NCAPG2: variants seen among roughly 807,000 people sequenced by gnomAD.
The protein encoded by NCAPG2 is condensin-2 complex subunit G2.
A neutral mutation model predicts 141.1 loss-of-function variants in NCAPG2; 53 were observed. The observed-to-expected ratio is 0.38, with a 90% CI of 0.30 to 0.47. The LOEUF is 0.47. Among genes scored for constraint, NCAPG2 ranks in the 20% least tolerant of loss-of-function variants. The pLI, the probability that NCAPG2 is intolerant of heterozygous loss-of-function variation, is 0.99. For synonymous variants in NCAPG2, 499 were observed against 490.7 expected, an observed-to-expected ratio of 1.02 and a Z score of -0.22; for missense variants, 1,087 against 1,389.0, an observed-to-expected ratio of 0.78 and a Z score of 3.46.
chr7:158,690,551 A>G lies in NCAPG2; in HGVS notation c.537+17T>C, dbSNP rs767847022. 6.2e-7 allele frequency: 1 copy of G among 1,610,570 alleles called. No individual in the cohort carries two copies. Among genetic ancestry groups the G allele is most frequent in the Admixed American group, 1.7e-5 (1 of 59,902 alleles). ...AGAGAGAGACCCTGTCTTTAAAAAAATAAAAAGTGAGCATACTGTCTTAGT... is the reference window on the plus strand; with the variant it reads ...AGAGAGAGACCCTGTCTTTAAAAAAGTAAAAAGTGAGCATACTGTCTTAGT... On this transcript the variant is annotated intron_variant, in intron 5 of 27. Coordinates refer to ENST00000356309, the MANE Select transcript of NCAPG2 (RefSeq NM_017760.7).
chr7:158,653,948 G>A lies in NCAPG2; in HGVS notation c.2746+647C>T, dbSNP rs186111037. On this transcript the variant is annotated intron_variant, in intron 22 of 27. Coordinates refer to ENST00000356309, the MANE Select transcript of NCAPG2 (RefSeq NM_017760.7). ...GGCCGTTAGGGGTTAGGGAGTAGGG[G>A]CTAGGAGCTAGGGGCTAGGGGCTAG... Among the ~76,000 whole-genome samples, 177 of 152,232 alleles carry A rather than the reference G, an allele frequency of 1.2e-3. 1 individual carries two copies. The highest frequency in any genetic ancestry group is 6.8e-3 in the Middle Eastern group (2 of 294).
chr7:158,645,183 G>T (rs754582208), intron 26 of NCAPG2, among the ~76,000 whole-genome samples: 5 of 152,214 alleles, frequency 3.3e-5, no homozygotes, highest in Non-Finnish European at 7.3e-5. Context: ...CAGATTTTAA[G>T]ATACAGGTAA....
intron 3 of NCAPG2, 61 bp from the exon 4 acceptor site, chr7:158,693,017 G>T: frequency 8.4e-7 from 1 of 1,191,152 alleles, no homozygotes; most frequent in Non-Finnish European, 1.2e-6. Flanking sequence ...TCAGTTTTTA[G>T]CAGAAATTTC....
In NCAPG2 at chr7:158,661,055, T is replaced by C. The variant is rs559452184; in HGVS notation, c.1989+1139A>G. Among the ~76,000 whole-genome samples, 17 of 152,254 alleles carry C rather than the reference T, an allele frequency of 1.1e-4. No homozygotes were observed. The East Asian group carries it at 1.5e-3, about 14-fold the overall frequency. On this transcript the variant is annotated intron_variant, in intron 16 of 27. Transcript: ENST00000356309. ...CTCTTTTTCTTCATAAATTACCCAGTCTCAGGTATGTCTTTATCAGCAGCA... is the reference window on the plus strand; with the variant it reads ...CTCTTTTTCTTCATAAATTACCCAGCCTCAGGTATGTCTTTATCAGCAGCA...
intron 12 of NCAPG2, among the ~76,000 whole-genome samples, chr7:158,673,933 T>A (rs1338812058): frequency 2.0e-5 from 3 of 152,168 alleles, no homozygotes; most frequent in Admixed American, 2.0e-4. Context: ...TCTAGAGAAG[T>A]GGTCATGTGA....
At chr7:158,646,825 C>T (rs1336399996) in intron 24 of NCAPG2, among the ~76,000 whole-genome samples, 3 of 152,164 alleles carry the variant, frequency 2.0e-5, no homozygotes, top group Admixed American at 2.0e-4. Context: ...GTCAGGAGTT[C>T]AAGATCAGGC....
At chr7:158,673,478 T>C (rs891489706) in intron 12 of NCAPG2, among the ~76,000 whole-genome samples, 3 of 152,210 alleles carry the variant, frequency 2.0e-5, no homozygotes, top group Non-Finnish European at 4.4e-5. Flanking sequence ...TGAATCAGCA[T>C]GGGCCCAGTC....
At chr7:158,667,188 A>G (rs924383575) in intron 13 of NCAPG2, 22 of 985,298 alleles carry the variant, frequency 2.2e-5, no homozygotes, top group Non-Finnish European at 2.7e-5. Flanking sequence ...TTGCAAAGAT[A>G]AGGACTGAAA....
chr7:158,658,249 G>GTCA, intron 17 of NCAPG2, 89 bp downstream of exon 17: 2 of 1,233,396 alleles, frequency 1.6e-6, no homozygotes, highest in Non-Finnish European at 2.2e-6. Flanking sequence ...AAAGCTAAAT[G>GTCA]TTATGGTCTG....
At position 158,655,426 on chromosome 7, in the gene NCAPG2, CG is replaced by C; in HGVS notation, c.2417del (p.Pro806ArgfsTer23). On this transcript the variant is annotated frameshift_variant, in exon 20 of 28. Coordinates refer to ENST00000356309, the MANE Select transcript of NCAPG2 (RefSeq NM_017760.7). LOFTEE classifies it high-confidence loss of function. ...KADLESLLQT[P>X]GGKPRGFSEA... ...CACTGAAGCCACGAGGCTTCCCACC[CG>C]GTGTCTGCAGAAGTGACTCCAGATC... The C allele has an allele frequency of 6.2e-7, 1 of 1,614,044 alleles. No individual in the cohort carries two copies. Among genetic ancestry groups the C allele is most frequent in the Non-Finnish European group, 8.5e-7 (1 of 1,180,016 alleles).
rs147445743 is a variant in NCAPG2, at chr7:158,637,108, C to T, written c.3381-5391G>A. ...GACTACAGGCGCCCGCCACCATGCC[C>T]GGCTAATTTTTTATATTTTTAGTAG... On this transcript the variant is annotated intron_variant, in intron 27 of 27. Transcript: ENST00000356309. 3.3e-3 allele frequency among the ~76,000 whole-genome samples: 499 copies of T among 152,102 alleles called. 2 individuals carry two copies. Among genetic ancestry groups the T allele is most frequent in the African/African-American group, 0.011 (457 of 41,480 alleles).
At chr7:158,671,394 TA>T in intron 13 of NCAPG2, 119 bp downstream of exon 13, 2 of 1,216,932 alleles carry the variant, frequency 1.6e-6, no homozygotes, top group Non-Finnish European at 2.4e-6. Flanking sequence ...TTGACAGAGA[TA>T]ACTGGTCAAA....
rs1587166383 is a variant in NCAPG2, at chr7:158,664,633, C to G, written c.1597G>C (p.Glu533Gln). 1 of 1,614,170 alleles carries G rather than the reference C, an allele frequency of 6.2e-7. No homozygotes were observed. Among genetic ancestry groups the G allele is most frequent in the Non-Finnish European group, 8.5e-7 (1 of 1,180,032 alleles). ...FNSFLPVNQP[E>Q]EVWCERCVTL... ...ACACAGCGCTCGCACCAGACCTCCT[C>G]CGGCTGATTCACAGGCAGGAAAGAA... Residue 533 changes from glutamate (E) to glutamine (Q), a missense_variant, in exon 14 of 28, where the codon GAG (glutamate) becomes CAG (glutamine). By Grantham distance (29) the Glu-to-Gln change is conservative. Coordinates refer to ENST00000356309, the MANE Select transcript of NCAPG2 (RefSeq NM_017760.7).
chr7:158,696,010 G>T (rs1389015060), intron 2 of NCAPG2: 1 of 152,238 alleles, frequency 6.6e-6, no homozygotes, highest in Admixed American at 6.5e-5. Context: ...CCAGAGGGAG[G>T]TATCCTCTTG....
intron 16 of NCAPG2, among the ~76,000 whole-genome samples, chr7:158,661,650 T>C (rs1051097695): frequency 6.6e-6 from 1 of 152,186 alleles, no homozygotes; most frequent in Non-Finnish European, 1.5e-5. Flanking sequence ...GATTTGGCCA[T>C]TCCACAATGT....
Position 158,687,415 on chromosome 7 carries a change from T to G in NCAPG2, c.700A>C (p.Asn234His), listed in dbSNP as rs778120288. 6.2e-7 allele frequency: 1 copy of G among 1,609,302 alleles called. No individual in the cohort carries two copies. The highest frequency in any genetic ancestry group is 8.5e-7 in the Non-Finnish European group (1 of 1,177,664). The change falls in exon 7 of 28, where the codon AAC (asparagine) becomes CAC (histidine). Residue 234 changes from asparagine to histidine, a missense_variant. Transcript: ENST00000356309. The stretch of plus-strand genomic sequence containing the variant: ...ATTTTGATGAAGTTGATATTCCAGT[T>G]GAAGAGACAACTAAGAAATCTTCTT... ...EGRRFLSCLF[N>H]WNINFIKMIH... is the part of the protein sequence containing the mutation.
intron 2 of NCAPG2, among the ~76,000 whole-genome samples, chr7:158,700,282 T>C (rs1290696883): frequency 2.0e-5 from 3 of 152,180 alleles, no homozygotes; most frequent in South Asian, 2.1e-4. Context: ...ACTAATTCAG[T>C]ATTCTCCTGA....
chr7:158,639,112 ATT>A, intron 27 of NCAPG2, among the ~76,000 whole-genome samples: 1 of 146,440 alleles, frequency 6.8e-6, no homozygotes, highest in African/African-American at 2.5e-5. Flanking sequence ...TGGTGACTGA[ATT>A]TTTTTTTTTT....
chr7:158,635,631 T>C (rs1247257270), intron 27 of NCAPG2, among the ~76,000 whole-genome samples: 3 of 152,236 alleles, frequency 2.0e-5, no homozygotes, highest in Non-Finnish European at 2.9e-5. Flanking sequence ...ATGCATGTTG[T>C]TTCTCCTCAG....
Sources: allele counts gnomAD v4.1 joint callset (sites outside exome capture counted in the v4.1 genomes callset), GRCh38; gene constraint gnomAD v4.1.1; transcripts MANE v1.5; gene names NCBI Gene and HGNC (gene_info 2026-07-23, HGNC 2026-07-21).